The following EXT1 variants were observed in gnomAD, a reference collection of about 807,000 sequenced individuals.
EXT1 encodes exostosin glycosyltransferase 1.
Under a neutral mutation model 82.5 loss-of-function variants are expected in EXT1, and 20 were observed. The ratio of observed to expected loss-of-function variants is 0.24; its 90% confidence interval spans 0.17 to 0.35. EXT1 has a LOEUF of 0.35. Ranked by LOEUF, EXT1 falls within the 10% of genes least tolerant of loss-of-function variation. The pLI, the probability that EXT1 is intolerant of heterozygous loss-of-function variation, is 1.00. For synonymous variants in EXT1, 348 were observed against 350.8 expected (o/e 0.99, Z 0.09); for missense variants, 757 against 936.5 (o/e 0.81, Z 2.50).
intron 1 of EXT1, among the ~76,000 whole-genome samples, chr8:117,935,397 T>G (rs965465286): frequency 6.6e-6 from 1 of 151,170 alleles, no homozygotes; most frequent in Non-Finnish European, 1.5e-5. Flanking sequence ...CATGATTCAC[T>G]GCAGCCTCGA....
chr8:118,089,353 C>T (rs1342993773), intron 1 of EXT1, among the ~76,000 whole-genome samples: 1 of 152,132 alleles, frequency 6.6e-6, no homozygotes, highest in Admixed American at 6.5e-5. Flanking sequence ...AGCATTTTCA[C>T]AGCAGACTCC....
chr8:117,996,974 T>C (rs1451510070), intron 1 of EXT1, among the ~76,000 whole-genome samples: 1 of 152,190 alleles, frequency 6.6e-6, no homozygotes, highest in Non-Finnish European at 1.5e-5. Context: ...CTCTATAATG[T>C]TACCCAGCTC....
At chr8:118,037,836 G>GT (rs58862041) in intron 1 of EXT1, among the ~76,000 whole-genome samples, 6,591 of 107,312 alleles carry the variant, frequency 0.061, 659 homozygotes, top group African/African-American at 0.19. Context: ...AGTGTTTTTT[G>GT]TTTTTTTTTT....
intron 1 of EXT1, among the ~76,000 whole-genome samples, chr8:118,030,477 GTT>G (rs34590368): frequency 6.6e-6 from 1 of 151,766 alleles, no homozygotes; most frequent in African/African-American, 2.4e-5. Context: ...AAATTAGAGG[GTT>G]TTTTTTGTTT....
At chr8:118,008,392 T>A (rs1009764460) in intron 1 of EXT1, among the ~76,000 whole-genome samples, 1 of 152,116 alleles carries the variant, frequency 6.6e-6, no homozygotes, top group African/African-American at 2.4e-5. Context: ...TCCAAGTAGC[T>A]GGGATTATAG....
At chr8:118,061,937 G>C (rs1816887770) in intron 1 of EXT1, among the ~76,000 whole-genome samples, 1 of 151,834 alleles carries the variant, frequency 6.6e-6, no homozygotes, top group Non-Finnish European at 1.5e-5. Flanking sequence ...AAAATGACAA[G>C]ATGCTTTGAC....
At chr8:117,850,237 A>G (rs1185080216) in intron 1 of EXT1, among the ~76,000 whole-genome samples, 1 of 152,222 alleles carries the variant, frequency 6.6e-6, no homozygotes, top group Non-Finnish European at 1.5e-5. Context: ...CAAAACACAA[A>G]GTGAGTAACT....
intron 1 of EXT1, among the ~76,000 whole-genome samples, chr8:117,894,744 T>G (rs778713410): frequency 6.6e-6 from 1 of 152,194 alleles, no homozygotes; most frequent in Non-Finnish European, 1.5e-5. Flanking sequence ...GACAGCCACC[T>G]CTGCCACTTG....
rs1448942008 is a variant in EXT1, at chr8:117,799,364, T to C, written c.*348A>G. 2 of 303,766 alleles carry C rather than the reference T, an allele frequency of 6.6e-6. No homozygotes were observed. Among genetic ancestry groups the C allele is most frequent in the Non-Finnish European group, 1.2e-5 (2 of 160,012 alleles). 18.8% of individuals were successfully genotyped at this position (303,766 alleles called of 1,614,324 possible). ...TTGAAATATTCACAACCAACACAAT[T>C]TTGATTAAACAAAGAACTCTGGTTT... is the stretch of plus-strand genomic sequence containing the variant. On this transcript the variant is annotated 3_prime_UTR_variant, in exon 11 of 11. Transcript: ENST00000378204.
intron 1 of EXT1, among the ~76,000 whole-genome samples, chr8:117,873,517 G>A (rs1812912540): frequency 7.5e-6 from 1 of 134,012 alleles, no homozygotes; most frequent in African/African-American, 2.8e-5. Context: ...GTGCAGTGAT[G>A]TGATCTCGGC....
chr8:117,859,519 G>T (rs1321614039), intron 1 of EXT1, among the ~76,000 whole-genome samples: 1 of 152,184 alleles, frequency 6.6e-6, no homozygotes, highest in Non-Finnish European at 1.5e-5. Flanking sequence ...GTAGGGTAGT[G>T]CAAGTTAAAG....
intron 1 of EXT1, among the ~76,000 whole-genome samples, chr8:117,937,034 T>G (rs1814178296): frequency 6.6e-6 from 1 of 152,164 alleles, no homozygotes. Context: ...CTATTATGAC[T>G]TCTTCCATCT....
Position 118,111,422 on chromosome 8 carries a change from TTGCCTTGC to T in EXT1, c.-384_-377del. 1 of 533,214 alleles carries T rather than the reference TTGCCTTGC, an allele frequency of 1.9e-6. No homozygotes were observed. The highest frequency in any genetic ancestry group is 2.9e-5 in the South Asian group (1 of 34,094). 33.0% of individuals were successfully genotyped at this position (533,214 alleles called of 1,614,324 possible). On this transcript the variant is annotated 5_prime_UTR_variant, in exon 1 of 11. Transcript: ENST00000378204. ...CCCAATCAATGGCAAGACGAAGTGATTGCCTTGCCTCTCGGATTCCTCTCGGCAGCGTG... is the reference window on the plus strand; with the variant it reads ...CCCAATCAATGGCAAGACGAAGTGATCTCTCGGATTCCTCTCGGCAGCGTG...
rs1426250735 is a variant in EXT1, at chr8:117,906,975, AAC to A, written c.963-69776_963-69775del. Among the ~76,000 whole-genome samples the A allele has an allele frequency of 7.9e-5, 12 of 152,300 alleles. No individual in the cohort carries two copies. In the East Asian group the frequency reaches 2.1e-3, roughly 27 times the overall value. The stretch of plus-strand genomic sequence containing the variant: ...CAGAGAAAGCAAACAAGAAAAAAGG[AAC>A]AGTTTGCTGTAGCATATCTCCCTCA... On this transcript the variant is annotated intron_variant, in intron 1 of 10. Transcript: ENST00000378204.
At chr8:117,996,014 C>T (rs1411748566) in intron 1 of EXT1, among the ~76,000 whole-genome samples, 1 of 152,080 alleles carries the variant, frequency 6.6e-6, no homozygotes, top group Non-Finnish European at 1.5e-5. Context: ...GGTGCTCTCC[C>T]AGAACCTTGC....
chr8:117,853,964 C>T (rs1000689962), intron 1 of EXT1, among the ~76,000 whole-genome samples: 2 of 152,218 alleles, frequency 1.3e-5, no homozygotes, highest in Non-Finnish European at 2.9e-5. Context: ...TGAGCTTCTG[C>T]TGGGATGGTA....
intron 1 of EXT1, among the ~76,000 whole-genome samples, chr8:118,022,276 G>A (rs574753643): frequency 1.3e-5 from 2 of 151,162 alleles, no homozygotes; most frequent in Non-Finnish European, 2.9e-5. Flanking sequence ...TTAATGCAGG[G>A]GGAGGCAATA....
At chr8:118,029,281 C>T (rs529685935) in intron 1 of EXT1, among the ~76,000 whole-genome samples, 1 of 152,170 alleles carries the variant, frequency 6.6e-6, no homozygotes, top group East Asian at 1.9e-4. Context: ...ATAAAAATAG[C>T]CAGACATAGC....
chr8:117,870,500 C>CTGA (rs147009081), intron 1 of EXT1, among the ~76,000 whole-genome samples: 21,112 of 150,744 alleles, frequency 0.14, 1,554 homozygotes, highest in African/African-American at 0.18. Flanking sequence ...AAGGAGGGGT[C>CTGA]TGATGTTGAT....
Sources: gnomAD v4.1 joint callset for allele counts (sites outside exome capture counted in the v4.1 genomes callset) on GRCh38, gnomAD v4.1.1 for gene constraint, MANE v1.5 for transcripts, NCBI Gene and HGNC (gene_info 2026-07-23, HGNC 2026-07-21) for gene names.